ANGPT1: variants seen among roughly 807,000 people sequenced by gnomAD.
The protein encoded by ANGPT1 is angiopoietin 1.
Under a neutral mutation model 62.2 loss-of-function variants are expected in ANGPT1, and 17 were observed. That is an observed-to-expected ratio of 0.27 (90% confidence interval 0.19 to 0.41). ANGPT1 has a LOEUF of 0.41. Ranked by LOEUF, ANGPT1 falls within the 10% of genes least tolerant of loss-of-function variation. The probability of loss-of-function intolerance (pLI) is 1.00; values close to 1 mark genes in which losing one functional copy is unlikely to be tolerated. For missense variants in ANGPT1, 478 were observed against 594.9 expected (o/e 0.80, Z 2.04); for synonymous variants, 199 against 198.9 (o/e 1.00, Z 0.00).
chr8:107,378,124 T>C (rs1816564618), intron 1 of ANGPT1, among the ~76,000 whole-genome samples: 1 of 152,196 alleles, frequency 6.6e-6, no homozygotes, highest in Non-Finnish European at 1.5e-5. Flanking sequence ...AGAATTCAGA[T>C]AGATTCACTA....
intron 3 of ANGPT1, among the ~76,000 whole-genome samples, chr8:107,330,326 A>G (rs1815391348): frequency 6.6e-6 from 1 of 152,170 alleles, no homozygotes; most frequent in Non-Finnish European, 1.5e-5. Flanking sequence ...CACACAAATA[A>G]TATGTGACTT....
At chr8:107,428,649 T>C (rs1472660691) in intron 1 of ANGPT1, among the ~76,000 whole-genome samples, 1 of 152,100 alleles carries the variant, frequency 6.6e-6, no homozygotes, top group African/African-American at 2.4e-5. Context: ...TGTGTGTGTG[T>C]GTGTGTGTGT....
chr8:107,370,338 G>GAAAGAAAGAAAGAAAGAA (rs1563590839), intron 1 of ANGPT1, among the ~76,000 whole-genome samples: 6 of 33,760 alleles, frequency 1.8e-4, no homozygotes, highest in East Asian at 8.0e-4. Context: ...AGGAAAGAAA[G>GAAAGAAAGAAAGAAAGAA]AAAAAGAAAG....
At chr8:107,353,554 C>G (rs1000180214) in intron 1 of ANGPT1, among the ~76,000 whole-genome samples, 1 of 152,174 alleles carries the variant, frequency 6.6e-6, no homozygotes, top group Non-Finnish European at 1.5e-5. Flanking sequence ...GTTCTTGCTT[C>G]CTACCATTGA....
At chr8:107,425,401 A>G (rs1811014188) in intron 1 of ANGPT1, among the ~76,000 whole-genome samples, 1 of 152,214 alleles carries the variant, frequency 6.6e-6, no homozygotes, top group Admixed American at 6.5e-5. Flanking sequence ...ATAATGAGAG[A>G]AATTTAGAAA....
intron 6 of ANGPT1, among the ~76,000 whole-genome samples, chr8:107,289,356 A>G (rs1814218844): frequency 6.6e-6 from 1 of 152,124 alleles, no homozygotes; most frequent in Non-Finnish European, 1.5e-5. Flanking sequence ...ATTGTCTCTG[A>G]TACTTTATTT....
chr8:107,426,668 G>A (rs1306639641), intron 1 of ANGPT1, among the ~76,000 whole-genome samples: 1 of 152,150 alleles, frequency 6.6e-6, no homozygotes, highest in Non-Finnish European at 1.5e-5. Context: ...GAATTTGTAT[G>A]TAGAGCATAC....
chr8:107,279,414 T>C (rs1415765640), intron 7 of ANGPT1, among the ~76,000 whole-genome samples: 5 of 152,170 alleles, frequency 3.3e-5, no homozygotes, highest in African/African-American at 4.8e-5. Flanking sequence ...AATAAACATA[T>C]ACTATATCTT....
intron 1 of ANGPT1, among the ~76,000 whole-genome samples, chr8:107,355,138 G>A (rs1294502699): frequency 6.6e-6 from 1 of 152,028 alleles, no homozygotes; most frequent in Non-Finnish European, 1.5e-5. Flanking sequence ...CTGACCTCAG[G>A]TGATCTACCC....
At chr8:107,391,920 G>A (rs1386566964) in intron 1 of ANGPT1, among the ~76,000 whole-genome samples, 1 of 152,078 alleles carries the variant, frequency 6.6e-6, no homozygotes, top group Non-Finnish European at 1.5e-5. Context: ...AATATCACTA[G>A]GCAATAGTTT....
At chr8:107,382,091 C>G (rs1376374113) in intron 1 of ANGPT1, among the ~76,000 whole-genome samples, 1 of 152,094 alleles carries the variant, frequency 6.6e-6, no homozygotes, top group Non-Finnish European at 1.5e-5. Context: ...AACAATAGGT[C>G]ACCTGCTACT....
At chr8:107,264,690 A>G (rs1813573275) in intron 7 of ANGPT1, among the ~76,000 whole-genome samples, 1 of 152,218 alleles carries the variant, frequency 6.6e-6, no homozygotes, top group Admixed American at 6.5e-5. Flanking sequence ...TTAATCCATT[A>G]ATATCTAATA....
chr8:107,276,482 G>GA (rs919142203), intron 7 of ANGPT1, among the ~76,000 whole-genome samples: 66 of 148,464 alleles, frequency 4.4e-4, no homozygotes, highest in African/African-American at 1.1e-3. Context: ...TTCACTGAAA[G>GA]AAAAAAAAAA....
At chr8:107,294,541 T>A (rs1045948121) in intron 5 of ANGPT1, 13 of 152,500 alleles carry the variant, frequency 8.5e-5, no homozygotes, top group African/African-American at 2.7e-4. Flanking sequence ...CTTATATATG[T>A]ACATGTTACA....
intron 4 of ANGPT1, among the ~76,000 whole-genome samples, chr8:107,316,569 T>C (rs1177529656): frequency 6.6e-6 from 1 of 152,242 alleles, no homozygotes; most frequent in Non-Finnish European, 1.5e-5. Context: ...TCCAGGCTTC[T>C]CAGCTTTACA....
At chr8:107,380,583 G>T (rs1816617939) in intron 1 of ANGPT1, among the ~76,000 whole-genome samples, 1 of 152,030 alleles carries the variant, frequency 6.6e-6, no homozygotes, top group South Asian at 2.1e-4. Context: ...TATAGCCAGT[G>T]TGAGTTCACC....
chr8:107,461,839 A>C lies in ANGPT1; in HGVS notation c.297+35423T>G, dbSNP rs192224333. ...ATGGGGCGATCTCTCTACACACTGA[A>C]ATATACACAATGTTAGATAGCATTG... is the stretch of plus-strand genomic sequence containing the variant. On this transcript the variant is annotated intron_variant, in intron 1 of 8. Transcript: ENST00000517746. Among the ~76,000 whole-genome samples, 4 of 152,282 alleles carry C rather than the reference A, an allele frequency of 2.6e-5. No homozygotes were observed. In the East Asian group the frequency reaches 7.7e-4, roughly 29 times the overall value.
chr8:107,308,222 TA>T (rs76649542), intron 4 of ANGPT1, among the ~76,000 whole-genome samples: 43,269 of 152,074 alleles, frequency 0.28, 7,440 homozygotes, highest in Admixed American at 0.39. Context: ...ATGAACGCTA[TA>T]CCCATGATTA....
In ANGPT1 at chr8:107,257,234, A is replaced by G. The variant is rs1813380057; in HGVS notation, c.1337-5219T>C. Among the ~76,000 whole-genome samples, 3 of 152,338 alleles carry G rather than the reference A, an allele frequency of 2.0e-5. No individual in the cohort carries two copies. In the South Asian group the frequency reaches 6.2e-4, roughly 32 times the overall value. ...TTCTTCATAACCTGTAACCTCATGT[A>G]TATTTTAATAAGAAATCTGAGATTC... On this transcript the variant is annotated intron_variant, in intron 8 of 8. Transcript: ENST00000517746.
Sources: gnomAD v4.1 joint callset for allele counts (sites outside exome capture counted in the v4.1 genomes callset) on GRCh38, gnomAD v4.1.1 for gene constraint, MANE v1.5 for transcripts, NCBI Gene and HGNC (gene_info 2026-07-23, HGNC 2026-07-21) for gene names.